Variants in AGBL1 observed in about 807,000 individuals in gnomAD.
The protein encoded by AGBL1 is cytosolic carboxypeptidase 4.
In AGBL1, 130 loss-of-function variants were observed where a neutral mutation model predicts 118.9. The observed-to-expected ratio is 1.09, with a 90% CI of 0.95 to 1.26. The LOEUF (loss-of-function observed/expected upper bound fraction) is 1.26. AGBL1 is among the 50% of genes most tolerant of loss of function. The pLI is 0.00. For synonymous variants in AGBL1, 555 were observed against 478.9 expected (o/e 1.16, Z -2.08); for missense variants, 1,584 against 1,298.1 (o/e 1.22, Z -3.38).
intron 22 of AGBL1, among the ~76,000 whole-genome samples, chr15:86,708,027 T>A (rs543065233): frequency 2.0e-5 from 3 of 152,232 alleles, no homozygotes; most frequent in African/African-American, 7.2e-5. Flanking sequence ...CTTCTTTCAT[T>A]TTCCTTCTGT....
intron 17 of AGBL1, among the ~76,000 whole-genome samples, chr15:86,331,606 C>T (rs900604016): frequency 6.6e-6 from 1 of 151,978 alleles, no homozygotes; most frequent in African/African-American, 2.4e-5. Context: ...GCAGACTTCA[C>T]AGCAGAAACT....
intron 18 of AGBL1, among the ~76,000 whole-genome samples, chr15:86,489,992 G>A (rs2082759450): frequency 6.6e-6 from 1 of 152,086 alleles, no homozygotes; most frequent in Non-Finnish European, 1.5e-5. Flanking sequence ...ATCCTCTTCA[G>A]TGGATGCATG....
chr15:86,457,494 G>A (rs939278066), intron 18 of AGBL1, among the ~76,000 whole-genome samples: 16 of 152,248 alleles, frequency 1.1e-4, no homozygotes, highest in African/African-American at 2.9e-4. Context: ...AAGAGTGATC[G>A]TAATAAAGTT....
intron 22 of AGBL1, among the ~76,000 whole-genome samples, chr15:86,677,223 A>T (rs2085864567): frequency 6.6e-6 from 1 of 152,086 alleles, no homozygotes; most frequent in Non-Finnish European, 1.5e-5. Context: ...GCAACTCAAC[A>T]TTTTTCAAGA....
intron 17 of AGBL1, among the ~76,000 whole-genome samples, chr15:86,302,204 A>G (rs188972826): frequency 6.6e-6 from 1 of 152,280 alleles, no homozygotes; most frequent in Admixed American, 6.5e-5. Flanking sequence ...GTAAAACCTT[A>G]AAGGTAGTTG....
chr15:86,640,300 T>C (rs959287115), intron 21 of AGBL1, among the ~76,000 whole-genome samples: 2 of 152,208 alleles, frequency 1.3e-5, no homozygotes, highest in African/African-American at 4.8e-5. Context: ...TCACATATTA[T>C]GGCATGAGTG....
chr15:86,815,902 C>T (rs890505664), intron 22 of AGBL1, among the ~76,000 whole-genome samples: 8 of 152,004 alleles, frequency 5.3e-5, no homozygotes, highest in African/African-American at 1.9e-4. Context: ...ATAAAGGATG[C>T]TTTGGGGAAG....
intron 1 of AGBL1, among the ~76,000 whole-genome samples, chr15:86,117,717 T>G (rs948489132): frequency 3.9e-5 from 6 of 152,198 alleles, no homozygotes; most frequent in African/African-American, 1.2e-4. Flanking sequence ...ATGGGACACG[T>G]CATCCTTCAT....
At chr15:86,090,794 A>G (rs1021105603) in intron 1 of AGBL1, among the ~76,000 whole-genome samples, 6 of 152,060 alleles carry the variant, frequency 3.9e-5, no homozygotes, top group Admixed American at 2.6e-4. Context: ...ATACTTAATG[A>G]TGTTTGAGTT....
At chr15:86,337,341 G>GA (rs139739654) in intron 17 of AGBL1, among the ~76,000 whole-genome samples, 8,004 of 150,180 alleles carry the variant, frequency 0.053, 681 homozygotes, top group African/African-American at 0.19. Context: ...TTCTAGAAAA[G>GA]AAAAAAAAAG....
intron 5 of AGBL1, among the ~76,000 whole-genome samples, chr15:86,181,922 A>C (rs117145568): frequency 0.012 from 1,891 of 152,206 alleles, 23 homozygotes; most frequent in East Asian, 0.058. Context: ...CAAATGCATT[A>C]TAACTAACAA....
chr15:86,927,673 T>C (rs2080559394), intron 23 of AGBL1, among the ~76,000 whole-genome samples: 1 of 152,166 alleles, frequency 6.6e-6, no homozygotes, highest in South Asian at 2.1e-4. Context: ...GAAGTAGCAA[T>C]AATATAATCC....
chr15:86,687,968 T>A (rs2142590145), intron 22 of AGBL1, among the ~76,000 whole-genome samples: 1 of 152,184 alleles, frequency 6.6e-6, no homozygotes. Context: ...ACTAATTCCA[T>A]CAGCAACACA....
chr15:86,116,006 T>A lies in AGBL1; in HGVS notation c.52-25998T>A, dbSNP rs148267182. 7.3e-3 allele frequency among the ~76,000 whole-genome samples: 1,110 copies of A among 152,332 alleles called. 6 individuals carry two copies. The highest frequency in any genetic ancestry group is 0.024 in the Middle Eastern group (7 of 294). ...AGTCAGATCATGTCACTTTTCCAAC[T>A]AAAATTCTCTTATAGGAAGGAAAGT... On this transcript the variant is annotated intron_variant, in intron 1 of 22. Coordinates refer to ENST00000614907, the MANE Select transcript of AGBL1 (RefSeq NM_001386094.1).
At chr15:86,609,403 G>C (rs1366112405) in intron 21 of AGBL1, among the ~76,000 whole-genome samples, 1 of 152,238 alleles carries the variant, frequency 6.6e-6, no homozygotes. Context: ...AATCACAGCT[G>C]AGGGCAGAGA....
rs545934271 is a variant in AGBL1, at chr15:86,154,271, G to A, written c.263-159G>A. On this transcript the variant is annotated intron_variant, in intron 3 of 22. Transcript: ENST00000614907. ...AGCTCTTTTGATTCATTTGGTTCTA[G>A]TGGGGACATATTTAGCAGCATTTGT... Among the ~76,000 whole-genome samples the A allele has an allele frequency of 7.2e-5, 11 of 152,258 alleles. No individual in the cohort carries two copies. In the South Asian group the frequency reaches 1.9e-3, roughly 26 times the overall value.
chr15:86,796,226 C>T (rs1387386787), intron 22 of AGBL1, among the ~76,000 whole-genome samples: 1 of 152,166 alleles, frequency 6.6e-6, no homozygotes, highest in Non-Finnish European at 1.5e-5. Context: ...CCACCTCACA[C>T]TGGGAAAAGT....
chr15:86,088,268 G>GT (rs1233698764), intron 1 of AGBL1: 3 of 152,286 alleles, frequency 2.0e-5, no homozygotes, highest in Non-Finnish European at 2.9e-5. Context: ...GCACGAGGTG[G>GT]TAATTGCTGC....
At chr15:86,814,876 G>C (rs1208359863) in intron 22 of AGBL1, among the ~76,000 whole-genome samples, 4 of 152,164 alleles carry the variant, frequency 2.6e-5, no homozygotes, top group Admixed American at 1.3e-4. Flanking sequence ...CTATGTTCTT[G>C]TGGAAATTGC....
Sources: gnomAD v4.1 joint callset for allele counts (sites outside exome capture counted in the v4.1 genomes callset) on GRCh38, gnomAD v4.1.1 for gene constraint, MANE v1.5 for transcripts, NCBI Gene and HGNC (gene_info 2026-07-23, HGNC 2026-07-21) for gene names.